ANXA6: variants seen among roughly 807,000 people sequenced by gnomAD.
The protein encoded by ANXA6 is 67 kDa calelectrin.
ANXA6 carries 71 observed loss-of-function variants against 95.4 expected under a neutral mutation model. The observed-to-expected ratio is 0.74, with a 90% CI of 0.61 to 0.91. The LOEUF (loss-of-function observed/expected upper bound fraction) is 0.91, where lower values mean the gene tolerates loss of function less well. Ranked by LOEUF, ANXA6 falls within the 40% of genes least tolerant of loss-of-function variation. ANXA6 has a pLI of 0.00. For synonymous variants in ANXA6, 289 were observed against 315.9 expected, an observed-to-expected ratio of 0.91 and a Z score of 0.90; for missense variants, 830 against 876.4, an observed-to-expected ratio of 0.95 and a Z score of 0.67.
At chr5:151,113,504 AAG>A (rs1307590552) in intron 20 of ANXA6, among the ~76,000 whole-genome samples, 6 of 152,190 alleles carry the variant, frequency 3.9e-5, no homozygotes, top group African/African-American at 1.2e-4. Flanking sequence ...CATTTTTAAA[AAG>A]AGAGAGAGAG....
In ANXA6 at chr5:151,137,333, A is replaced by C; in HGVS notation, c.319-12T>G. The C allele has an allele frequency of 1.9e-6, 3 of 1,608,444 alleles. No individual in the cohort carries two copies. The South Asian group carries it at 3.3e-5, about 18-fold the overall frequency. Reference sequence around the variant, plus strand: ...TCAGTGCCAATGCCCTGGGGGTAGAAAAAGAGCGCATGAATTAAGGGCAGG... The same window carrying C: ...TCAGTGCCAATGCCCTGGGGGTAGACAAAGAGCGCATGAATTAAGGGCAGG... On this transcript the variant is annotated splice_polypyrimidine_tract_variant and intron_variant, in intron 5 of 25. Transcript: ENST00000354546.
chr5:151,116,813 G>C (rs1322431759), intron 20 of ANXA6, among the ~76,000 whole-genome samples: 1 of 152,176 alleles, frequency 6.6e-6, no homozygotes, highest in Non-Finnish European at 1.5e-5. Context: ...CCACTGATTT[G>C]CTGTGTGACT....
chr5:151,114,741 G>C (rs1475787792), intron 20 of ANXA6, among the ~76,000 whole-genome samples: 1 of 150,218 alleles, frequency 6.7e-6, no homozygotes, highest in East Asian at 2.0e-4. Flanking sequence ...TTGGACAACA[G>C]AGTGAAAGGG....
chr5:151,115,358 A>T (rs1245605491), intron 20 of ANXA6, among the ~76,000 whole-genome samples: 1 of 152,180 alleles, frequency 6.6e-6, no homozygotes, highest in Non-Finnish European at 1.5e-5. Flanking sequence ...TGGGTCTAGC[A>T]TCCTAAATCT....
chr5:151,124,529 C>T (rs566585409), intron 14 of ANXA6, among the ~76,000 whole-genome samples, 162 bp from the exon 15 acceptor site: 31 of 148,464 alleles, frequency 2.1e-4, no homozygotes, highest in Non-Finnish European at 3.7e-4. Context: ...AGACCCTGCA[C>T]GAGAGCTGAG....
At chr5:151,130,059 T>C (rs1765453200) in intron 11 of ANXA6, among the ~76,000 whole-genome samples, 1 of 152,152 alleles carries the variant, frequency 6.6e-6, no homozygotes, top group South Asian at 2.1e-4. Flanking sequence ...TTGATTTTCC[T>C]TATAATTTTA....
chr5:151,123,149 G>T, intron 15 of ANXA6, 138 bp from the exon 16 acceptor site: 1 of 713,900 alleles, frequency 1.4e-6, no homozygotes, highest in Non-Finnish European at 2.4e-6. Context: ...CTGAGTCCCT[G>T]CAGTCCGCTT....
At position 151,153,180 on chromosome 5, in the gene ANXA6, C is replaced by T. The variant is rs1766148894; in HGVS notation, c.-26+4500G>A. Among the ~76,000 whole-genome samples, 4 of 152,172 alleles carry T rather than the reference C, an allele frequency of 2.6e-5. No homozygotes were observed. The South Asian group carries it at 8.3e-4, about 31-fold the overall frequency. On this transcript the variant is annotated intron_variant, in intron 1 of 25. Coordinates refer to ENST00000354546, the MANE Select transcript of ANXA6 (RefSeq NM_001155.5). ...CACTTTCCTCTTTGCCCTGTCTTCC[C>T]TGCTAAACCAGGAACGCCTTCCACC...
chr5:151,109,333 A>G (rs1437943249), intron 22 of ANXA6, among the ~76,000 whole-genome samples: 2 of 152,234 alleles, frequency 1.3e-5, no homozygotes, highest in African/African-American at 2.4e-5. Flanking sequence ...TGCCCTGAGC[A>G]TGCGGCAGCC....
chr5:151,151,290 A>T (rs1389131516), intron 1 of ANXA6: 1 of 152,222 alleles, frequency 6.6e-6, no homozygotes, highest in Non-Finnish European at 1.5e-5. Flanking sequence ...AACCTAGACC[A>T]TACTGCTCAA....
In ANXA6 at chr5:151,117,779, C is replaced by A; in HGVS notation, c.1497G>T (p.Arg499Ser). ...LSSDTSGHFR[R>S]ILISLATGHR... ...TCACCGTGGCCAGAGAAATGAGGAT[C>A]CTCCTGAAGTGGCCAGATGTGTCTG... Residue 499 changes from arginine to serine, a missense_variant, in exon 19 of 26, where the codon AGG (arginine) becomes AGT (serine). Coordinates refer to ENST00000354546, the MANE Select transcript of ANXA6 (RefSeq NM_001155.5). 2 of 1,613,832 alleles carry A rather than the reference C, an allele frequency of 1.2e-6. No individual in the cohort carries two copies. Among genetic ancestry groups the A allele is most frequent in the African/African-American group, 2.7e-5 (2 of 75,048 alleles).
chr5:151,112,920 G>A lies in ANXA6; in HGVS notation c.1573-2276C>T, dbSNP rs575244030. ...TACTGTATAATTTCACTTACATGAAGTCCCCAGTCAAATTCACAGACATAG... is the reference window on the plus strand; with the variant it reads ...TACTGTATAATTTCACTTACATGAAATCCCCAGTCAAATTCACAGACATAG... On this transcript the variant is annotated intron_variant, in intron 20 of 25. Coordinates refer to ENST00000354546, the MANE Select transcript of ANXA6 (RefSeq NM_001155.5). Among the ~76,000 whole-genome samples, 30 of 152,292 alleles carry A rather than the reference G, an allele frequency of 2.0e-4. No individual in the cohort carries two copies. In the South Asian group the frequency reaches 5.2e-3, roughly 26 times the overall value.
rs762802788 is a variant in ANXA6, at chr5:151,109,758, C to T, written c.1679G>A (p.Arg560Gln). 21 of 1,607,592 alleles carry T rather than the reference C, an allele frequency of 1.3e-5. No individual in the cohort carries two copies. The highest frequency in any genetic ancestry group is 1.6e-5 in the Non-Finnish European group (19 of 1,176,592). ...GGGAGGAGGTCAGGCCTCACCTCTC[C>T]GGAGGTGCGGATAGCTCCGGGTACA... is the stretch of plus-strand genomic sequence containing the variant. ...ILCTRSYPHL[R>Q]RVFQEFIKMT... The change falls in exon 22 of 26, where the codon CGG becomes CAG. Residue 560 changes from arginine (R) to glutamine (Q), a missense_variant. Coordinates refer to ENST00000354546, the MANE Select transcript of ANXA6 (RefSeq NM_001155.5).
chr5:151,136,860 A>G (rs1765677891), intron 6 of ANXA6, among the ~76,000 whole-genome samples: 1 of 152,118 alleles, frequency 6.6e-6, no homozygotes, highest in Non-Finnish European at 1.5e-5. Context: ...CATTCTTTAT[A>G]CGATTGGTTC....
rs1488644866 is a variant in ANXA6, at chr5:151,129,457, G to A, written c.868C>T (p.Arg290Trp). 9 of 1,613,198 alleles carry A rather than the reference G, an allele frequency of 5.6e-6. No individual in the cohort carries two copies. Among genetic ancestry groups the A allele is most frequent in the African/African-American group, 1.3e-5 (1 of 74,880 alleles). ...TCATACTTGGTCCGGAAGATCTCCC[G>A]AATGTCGAGCATGTCCAACTCACTA... ...SRSELDMLDIREIFRTKYEKS... is the reference protein window; with the variant it reads ...SRSELDMLDIWEIFRTKYEKS... The change falls in exon 12 of 26, where the codon CGG becomes TGG. Residue 290 changes from arginine to tryptophan, a missense_variant. Physicochemically the swap from Arg to Trp is moderately radical, Grantham distance 101 (BLOSUM62 -3). Coordinates refer to ENST00000354546, the MANE Select transcript of ANXA6 (RefSeq NM_001155.5).
Position 151,137,277 on chromosome 5 carries a change from G to A in ANXA6, c.363C>T (p.Ser121=), listed in dbSNP as rs756312946. The A allele has an allele frequency of 5.6e-6, 9 of 1,613,508 alleles. No homozygotes were observed. In the East Asian group the frequency reaches 1.1e-4, roughly 20 times the overall value. ...DEKCLIEILA[S]RTNEQMHQLV... Reference sequence around the variant, plus strand: ...GCTGGTGCATCTGCTCATTGGTCCGGGAAGCCAAGATCTCAATGAGGCACT... The same window carrying A: ...GCTGGTGCATCTGCTCATTGGTCCGAGAAGCCAAGATCTCAATGAGGCACT... The change falls in exon 6 of 26, where the codon TCC becomes TCT. Residue 121 remains serine, a synonymous_variant. Transcript: ENST00000354546.
In ANXA6 at chr5:151,140,238, G is replaced by C. The variant is rs1765791401; in HGVS notation, c.24C>G (p.Ala8=). The C allele has an allele frequency of 1.9e-6, 3 of 1,613,872 alleles. No homozygotes were observed. Among genetic ancestry groups the C allele is most frequent in the Non-Finnish European group, 2.5e-6 (3 of 1,179,846 alleles). MAKPAQG[A]KYRGSIHDFP... is the part of the protein sequence containing the mutation. ...AGTCATGGATGGAGCCCCGGTACTT[G>C]GCACCCTGTGGAGAAAAAAGTAGAG... Residue 8 remains alanine (A), a synonymous_variant, in exon 3 of 26, where the codon GCC becomes GCG. Coordinates refer to ENST00000354546, the MANE Select transcript of ANXA6 (RefSeq NM_001155.5).
intron 1 of ANXA6, among the ~76,000 whole-genome samples, chr5:151,149,231 A>G (rs1392117572): frequency 2.6e-5 from 4 of 151,518 alleles, no homozygotes; most frequent in Admixed American, 6.6e-5. Flanking sequence ...AACAGGACAC[A>G]TATCTCATTG....
At chr5:151,153,718 A>G (rs747847625) in intron 1 of ANXA6, among the ~76,000 whole-genome samples, 9 of 152,176 alleles carry the variant, frequency 5.9e-5, no homozygotes, top group Non-Finnish European at 1.0e-4. Flanking sequence ...TCCTTGCCCT[A>G]TTTTGTAAAG....
Sources: gnomAD v4.1 joint callset for allele counts (sites outside exome capture counted in the v4.1 genomes callset) on GRCh38, gnomAD v4.1.1 for gene constraint, MANE v1.5 for transcripts, NCBI Gene and HGNC (gene_info 2026-07-23, HGNC 2026-07-21) for gene names.